Variants in UBE2D1 observed in about 807,000 individuals in gnomAD.
UBE2D1 encodes the protein ubiquitin-conjugating enzyme E2 D1.
Under a neutral mutation model 24.6 loss-of-function variants are expected in UBE2D1, and 9 were observed. The ratio of observed to expected loss-of-function variants is 0.37; its 90% CI spans 0.22 to 0.64. UBE2D1 has a LOEUF of 0.64. Among genes scored for constraint, UBE2D1 ranks in the 30% least tolerant of loss-of-function variants. The pLI, the probability that UBE2D1 is intolerant of heterozygous loss-of-function variation, is 0.64. For synonymous variants in UBE2D1, 57 were observed against 57.6 expected (o/e 0.99, Z 0.04); for missense variants, 87 against 177.1 (o/e 0.49, Z 2.89).
chr10:58,353,419 GACGACTT>G (rs1368812344), intron 1 of UBE2D1, among the ~76,000 whole-genome samples: 3 of 152,144 alleles, frequency 2.0e-5, no homozygotes, highest in Admixed American at 2.0e-4. Flanking sequence ...GTGGTTAGAA[GACGACTT>G]ACTTTGAGAT....
At chr10:58,357,116 G>T (rs1840139866) in intron 1 of UBE2D1, among the ~76,000 whole-genome samples, 1 of 152,254 alleles carries the variant, frequency 6.6e-6, no homozygotes, top group South Asian at 2.1e-4. Flanking sequence ...TGAGGAATGT[G>T]GAGTTAAGTC....
chr10:58,366,187 T>A (rs1441560323), intron 5 of UBE2D1, among the ~76,000 whole-genome samples: 1 of 152,220 alleles, frequency 6.6e-6, no homozygotes, highest in East Asian at 1.9e-4. Flanking sequence ...CTTATACATA[T>A]AAAAGAAATG....
Position 58,361,480 on chromosome 10 carries a change from CTTTG to C in UBE2D1, c.89-7_89-4del, listed in dbSNP as rs1221600025. The C allele has an allele frequency of 6.2e-7, 1 of 1,613,908 alleles. No homozygotes were observed. Among genetic ancestry groups the C allele is most frequent in the African/African-American group, 1.3e-5 (1 of 74,882 alleles). On this transcript the variant is annotated splice_polypyrimidine_tract_variant and intron_variant, in intron 2 of 6. Coordinates refer to ENST00000373910, the MANE Select transcript of UBE2D1 (RefSeq NM_003338.5). ...ACATTTGTTAATGACTCCAAAACTCCTTTGTTTGTTTCAGTGTTCCACTGGCAAG... is the reference window on the plus strand; with the variant it reads ...ACATTTGTTAATGACTCCAAAACTCCTTTGTTTCAGTGTTCCACTGGCAAG...
chr10:58,356,082 T>A (rs1013447638), intron 1 of UBE2D1, among the ~76,000 whole-genome samples: 11 of 152,150 alleles, frequency 7.2e-5, no homozygotes, highest in African/African-American at 2.7e-4. Flanking sequence ...TTTATGTATT[T>A]ATTTATTACC....
chr10:58,366,515 C>T (rs549420138), intron 5 of UBE2D1, among the ~76,000 whole-genome samples: 1 of 152,010 alleles, frequency 6.6e-6, no homozygotes, highest in Non-Finnish European at 1.5e-5. Flanking sequence ...TTCTTGCTTA[C>T]TTTTTTATAA....
intron 2 of UBE2D1, 44 bp downstream of exon 2, chr10:58,361,445 A>C: frequency 6.2e-7 from 1 of 1,614,170 alleles, no homozygotes; most frequent in South Asian, 1.1e-5. Flanking sequence ...CTTTAAAAAT[A>C]TAGGTTTGAA....
intron 1 of UBE2D1, 114 bp downstream of exon 1, chr10:58,335,339 G>C: frequency 7.9e-7 from 1 of 1,268,036 alleles, no homozygotes; most frequent in South Asian, 1.6e-5. Flanking sequence ...GGGTGGGCCG[G>C]GGTGCGGGCA....
At chr10:58,335,758 G>T (rs1839896723) in intron 1 of UBE2D1, among the ~76,000 whole-genome samples, 1 of 152,230 alleles carries the variant, frequency 6.6e-6, no homozygotes, top group Admixed American at 6.5e-5. Flanking sequence ...GCCCGAATGG[G>T]CTGGAAAGCC....
chr10:58,361,671 C>A, intron 3 of UBE2D1, 145 bp downstream of exon 3: 1 of 1,134,598 alleles, frequency 8.8e-7, no homozygotes, highest in Non-Finnish European at 1.3e-6. Flanking sequence ...TAAGGATTTA[C>A]AATGATTTTC....
At chr10:58,335,462 G>GCCGGAGCCGCTC (rs1009669801) in intron 1 of UBE2D1, among the ~76,000 whole-genome samples, 3 of 152,236 alleles carry the variant, frequency 2.0e-5, no homozygotes, top group Admixed American at 6.5e-5. Flanking sequence ...GCGCGTTCGC[G>GCCGGAGCCGCTC]CCGGAGCCGC....
intron 6 of UBE2D1, chr10:58,368,502 A>G (rs758541646): frequency 2.6e-5 from 9 of 342,030 alleles, no homozygotes; most frequent in Admixed American, 4.7e-5. Context: ...GTGTATTTGG[A>G]TACATTTTCA....
chr10:58,344,130 A>G (rs1323139484), intron 1 of UBE2D1, among the ~76,000 whole-genome samples: 2 of 152,258 alleles, frequency 1.3e-5, no homozygotes, highest in Non-Finnish European at 2.9e-5. Context: ...CTAACCTTTT[A>G]TATGATATAA....
intron 1 of UBE2D1, among the ~76,000 whole-genome samples, chr10:58,346,927 T>C (rs1840023626): frequency 6.6e-6 from 1 of 152,110 alleles, no homozygotes; most frequent in Non-Finnish European, 1.5e-5. Flanking sequence ...AATTACAGGG[T>C]GTTTGTACCA....
At chr10:58,361,025 A>G (rs760188682) in intron 1 of UBE2D1, 1 of 480,630 alleles carries the variant, frequency 2.1e-6, no homozygotes. Flanking sequence ...CTGATATATT[A>G]TCAACCTAGC....
chr10:58,359,342 A>G (rs1840169090), intron 1 of UBE2D1, among the ~76,000 whole-genome samples: 1 of 151,426 alleles, frequency 6.6e-6, no homozygotes, highest in Admixed American at 6.6e-5. Context: ...GGTACTTAAA[A>G]TAAGGATGTG....
At chr10:58,335,811 A>G (rs990969972) in intron 1 of UBE2D1, among the ~76,000 whole-genome samples, 2 of 152,174 alleles carry the variant, frequency 1.3e-5, no homozygotes, top group African/African-American at 2.4e-5. Flanking sequence ...TGCCCCTTCT[A>G]TTTTGGTGCC....
chr10:58,351,571 T>A (rs1311623507), intron 1 of UBE2D1, among the ~76,000 whole-genome samples: 1 of 152,244 alleles, frequency 6.6e-6, no homozygotes, highest in Non-Finnish European at 1.5e-5. Context: ...AGTTGTCGTC[T>A]CCTCTGATAA....
Position 58,335,186 on chromosome 10 carries a change from C to T in UBE2D1, c.-16C>T, listed in dbSNP as rs1291171099. 2 of 1,546,234 alleles carry T rather than the reference C, an allele frequency of 1.3e-6. No individual in the cohort carries two copies. Among genetic ancestry groups the T allele is most frequent in the East Asian group, 2.5e-5 (1 of 39,922 alleles). On this transcript the variant is annotated 5_prime_UTR_variant, in exon 1 of 7. Transcript: ENST00000373910. Reference sequence around the variant, plus strand: ...CGACCCCTGCCGGCCGGTGTCCCCACCGCCATCCCTGACCCATGGCGCTGA... The same window carrying T: ...CGACCCCTGCCGGCCGGTGTCCCCATCGCCATCCCTGACCCATGGCGCTGA...
intron 1 of UBE2D1, among the ~76,000 whole-genome samples, chr10:58,342,691 G>T (rs570763695): frequency 6.6e-6 from 1 of 151,722 alleles, no homozygotes; most frequent in African/African-American, 2.4e-5. Context: ...TTAGAAATAC[G>T]TTATTTATTT....
Sources: allele counts gnomAD v4.1 joint callset (sites outside exome capture counted in the v4.1 genomes callset), GRCh38; gene constraint gnomAD v4.1.1; transcripts MANE v1.5; gene names NCBI Gene and HGNC (gene_info 2026-07-23, HGNC 2026-07-21).